SOX6: variants seen among roughly 807,000 people sequenced by gnomAD.
The protein encoded by SOX6 is transcription factor SOX-6.
Under a neutral mutation model 97.8 loss-of-function variants are expected in SOX6, and 11 were observed. The observed-to-expected ratio is 0.11, with a 90% CI of 0.07 to 0.19. The LOEUF (loss-of-function observed/expected upper bound fraction) is 0.19, where lower values mean the gene tolerates loss of function less well. SOX6 is among the 10% of genes least tolerant of loss of function. The probability of loss-of-function intolerance (pLI) is 1.00; values close to 1 mark genes in which losing one functional copy is unlikely to be tolerated. For synonymous variants in SOX6, 360 were observed against 371.4 expected (o/e 0.97, Z 0.35); for missense variants, 810 against 1,039.5 (o/e 0.78, Z 3.04).
chr11:16,640,394 G>A (rs1848889315), intron 3 of SOX6, among the ~76,000 whole-genome samples: 1 of 152,202 alleles, frequency 6.6e-6, no homozygotes, highest in African/African-American at 2.4e-5. Context: ...GTCTCTGCCA[G>A]GCTTTGCTAT....
intron 14 of SOX6, 62 bp from the exon 15 acceptor site, chr11:15,986,482 A>T: frequency 6.7e-7 from 1 of 1,488,546 alleles, no homozygotes; most frequent in Admixed American, 1.7e-5. Flanking sequence ...AGGCAAACAC[A>T]ACTAGATATA....
At chr11:16,188,950 C>A (rs7114017) in intron 4 of SOX6, among the ~76,000 whole-genome samples, 83,184 of 151,768 alleles carry the variant, frequency 0.55, 23,208 homozygotes, top group East Asian at 0.75. Context: ...GTAGTCCCAG[C>A]TACTTGGGAG....
chr11:15,989,275 T>C, intron 13 of SOX6, 45 bp from the exon 14 acceptor site: 1 of 1,509,420 alleles, frequency 6.6e-7, no homozygotes, highest in Non-Finnish European at 9.0e-7. Context: ...GAAAGCGTTA[T>C]TTTGTGGATA....
chr11:16,594,913 A>C (rs948647103), intron 4 of SOX6, among the ~76,000 whole-genome samples: 1 of 151,702 alleles, frequency 6.6e-6, no homozygotes, highest in East Asian at 1.9e-4. Context: ...GGATGGTCTC[A>C]ATCTCATGAC....
At chr11:16,469,458 C>G (rs960970707) in intron 1 of SOX6, among the ~76,000 whole-genome samples, 6 of 151,986 alleles carry the variant, frequency 3.9e-5, no homozygotes, top group African/African-American at 1.2e-4. Context: ...TAAAGATGAC[C>G]TCAAAAAGTC....
At chr11:16,244,603 G>T (rs1340916199) in intron 3 of SOX6, among the ~76,000 whole-genome samples, 4 of 151,358 alleles carry the variant, frequency 2.6e-5, no homozygotes, top group African/African-American at 7.3e-5. Context: ...AATTTATTTT[G>T]TATGTATGGC....
intron 3 of SOX6, among the ~76,000 whole-genome samples, chr11:16,253,590 G>A (rs1853584646): frequency 6.6e-6 from 1 of 152,000 alleles, no homozygotes; most frequent in Non-Finnish European, 1.5e-5. Context: ...AATGAAGAAT[G>A]CCTTTGCTGG....
intron 15 of SOX6, among the ~76,000 whole-genome samples, chr11:15,979,477 C>T (rs1853599416): frequency 6.6e-6 from 1 of 152,056 alleles, no homozygotes; most frequent in African/African-American, 2.4e-5. Flanking sequence ...GAAAGCATTC[C>T]TCTGCTTAAA....
chr11:16,105,911 C>T (rs780278015), intron 7 of SOX6, among the ~76,000 whole-genome samples: 39 of 151,746 alleles, frequency 2.6e-4, no homozygotes, highest in African/African-American at 6.5e-4. Context: ...ACATCAGCAA[C>T]GAACAACCCA....
chr11:16,215,014 CT>C (rs1852334211), intron 4 of SOX6, among the ~76,000 whole-genome samples: 1 of 152,148 alleles, frequency 6.6e-6, no homozygotes, highest in Admixed American at 6.5e-5. Flanking sequence ...TCCCAAAGTG[CT>C]GGGATTACAG....
At chr11:16,218,845 A>G (rs1565027686) in intron 4 of SOX6, among the ~76,000 whole-genome samples, 2 of 152,062 alleles carry the variant, frequency 1.3e-5, no homozygotes, top group Non-Finnish European at 2.9e-5. Context: ...GGGTTTTTCT[A>G]CCTTACTCTA....
rs1853346455 is a variant in SOX6 at position 15,972,511 on chromosome 11, AT to A, written c.*297del. The A allele has an allele frequency of 4.9e-6, 2 of 405,548 alleles. No individual in the cohort carries two copies. Among genetic ancestry groups the A allele is most frequent in the Non-Finnish European group, 9.0e-6 (2 of 222,948 alleles). The allele number at this position is 405,548 out of a possible 1,614,324, so 25.1% of individuals were successfully genotyped here. On this transcript the variant is annotated 3_prime_UTR_variant, in exon 16 of 16. Coordinates refer to ENST00000683767, the MANE Select transcript of SOX6 (RefSeq NM_001367873.1). ...AAAAGAAAAAAAAAGTAAGACAAAA[AT>A]ATAAGACTTGTAAGACATCTACGGG...
chr11:16,009,957 T>C (rs560778057), intron 13 of SOX6, among the ~76,000 whole-genome samples: 3 of 152,022 alleles, frequency 2.0e-5, no homozygotes, highest in East Asian at 1.9e-4. Context: ...TTTCCAAGTA[T>C]ATGGATCAAA....
chr11:16,018,590 T>C (rs192073006), intron 12 of SOX6, among the ~76,000 whole-genome samples: 16 of 152,208 alleles, frequency 1.1e-4, no homozygotes, highest in Admixed American at 3.9e-4. Flanking sequence ...GTGCACAGTA[T>C]ATTTTAATAA....
chr11:16,541,337 A>T (rs977471927), intron 4 of SOX6, among the ~76,000 whole-genome samples: 17 of 151,550 alleles, frequency 1.1e-4, no homozygotes, highest in Non-Finnish European at 2.4e-4. Flanking sequence ...TGGATTAAAG[A>T]CTTAAATGTA....
chr11:16,567,591 C>T (rs1441761825), intron 4 of SOX6, among the ~76,000 whole-genome samples: 4 of 100,692 alleles, frequency 4.0e-5, no homozygotes, highest in African/African-American at 7.0e-5. Flanking sequence ...TTTTTTGAGA[C>T]GGAGTCTCGC....
At chr11:16,715,876 T>C (rs1848216426) in intron 2 of SOX6, among the ~76,000 whole-genome samples, 1 of 152,102 alleles carries the variant, frequency 6.6e-6, no homozygotes, top group South Asian at 2.1e-4. Flanking sequence ...CTGTATCAAA[T>C]GATAGGTAGT....
intron 1 of SOX6, among the ~76,000 whole-genome samples, chr11:16,387,594 C>T (rs925132791): frequency 5.9e-5 from 9 of 151,812 alleles, no homozygotes; most frequent in Non-Finnish European, 2.9e-5. Context: ...ACAAAAATGG[C>T]CTTTGTTATG....
rs1470128971 is a variant in SOX6 at position 16,442,827 on chromosome 11, ATG to A, written c.-5+33486_-5+33487del. ...TACTGTAAGAAAGGCACTAAAAAGT[ATG>A]TGTCAGGAGATTATAATAAAACAGG... is the stretch of plus-strand genomic sequence containing the variant. On this transcript the variant is annotated intron_variant, in intron 1 of 15. Coordinates refer to the SOX6 transcript ENST00000396356. Among the ~76,000 whole-genome samples, 6 of 152,328 alleles carry A rather than the reference ATG, an allele frequency of 3.9e-5. No individual in the cohort carries two copies. The South Asian group carries it at 1.0e-3, about 26-fold the overall frequency.
Sources: allele counts gnomAD v4.1 joint callset (sites outside exome capture counted in the v4.1 genomes callset), GRCh38; gene constraint gnomAD v4.1.1; transcripts MANE v1.5; gene names NCBI Gene and HGNC (gene_info 2026-07-23, HGNC 2026-07-21).